The following CCDC7 variants were observed in gnomAD, a reference collection of about 807,000 sequenced individuals.
CCDC7 encodes coiled-coil domain-containing protein 7.
Under a neutral mutation model 196.9 loss-of-function variants are expected in CCDC7, and 183 were observed. The ratio of observed to expected loss-of-function variants is 0.93; its 90% confidence interval spans 0.82 to 1.05. The LOEUF (loss-of-function observed/expected upper bound fraction) is 1.05. Among genes scored for constraint, CCDC7 ranks in the 50% least tolerant of loss-of-function variants. The pLI is 0.00. For missense variants in CCDC7, 1,540 were observed against 1,482.2 expected (o/e 1.04, Z -0.64); for synonymous variants, 525 against 484.6 (o/e 1.08, Z -1.10).
At chr10:32,724,566 G>A (rs1219525419) in intron 25 of CCDC7, among the ~76,000 whole-genome samples, 1 of 152,006 alleles carries the variant, frequency 6.6e-6, no homozygotes, top group Non-Finnish European at 1.5e-5. Flanking sequence ...AAAATGGGGG[G>A]ATCATTTCAC....
chr10:32,694,659 T>G (rs531433643), intron 23 of CCDC7, among the ~76,000 whole-genome samples: 1 of 152,308 alleles, frequency 6.6e-6, no homozygotes, highest in East Asian at 1.9e-4. Context: ...TAGTGACTAA[T>G]ATATATCAGA....
intron 25 of CCDC7, among the ~76,000 whole-genome samples, chr10:32,719,828 C>CA: frequency 6.6e-6 from 1 of 152,264 alleles, no homozygotes; most frequent in African/African-American, 2.4e-5. Flanking sequence ...GATACCATCT[C>CA]ACATCAATTA....
chr10:32,474,207 A>C (rs1477195313), intron 8 of CCDC7, among the ~76,000 whole-genome samples, 184 bp downstream of exon 9: 2 of 107,028 alleles, frequency 1.9e-5, no homozygotes, highest in East Asian at 8.0e-4. Context: ...CTGAAACTAG[A>C]TTCTTTTTTT....
intron 33 of CCDC7, among the ~76,000 whole-genome samples, chr10:32,843,943 G>A (rs1234888325): frequency 6.6e-6 from 1 of 151,640 alleles, no homozygotes; most frequent in African/African-American, 2.4e-5. Flanking sequence ...TTTCACTGGT[G>A]GTATATTTGG....
intron 21 of CCDC7, among the ~76,000 whole-genome samples, chr10:32,674,461 G>T (rs929941898): frequency 4.6e-5 from 7 of 152,070 alleles, no homozygotes; most frequent in African/African-American, 1.7e-4. Flanking sequence ...TCTTGTAATG[G>T]TTTTAATTTT....
Position 32,594,173 on chromosome 10 carries a change from A to G in CCDC7, c.1801+9869A>G, listed in dbSNP as rs371988380. ...CATTTTCACGATATTGATTCTTCTT[A>G]TCCATGAGCATGGAATGTTCTTCCA... On this transcript the variant is annotated intron_variant, in intron 18 of 41. Transcript: ENST00000639629. Among the ~76,000 whole-genome samples the G allele has an allele frequency of 5.3e-5, 8 of 152,282 alleles. No individual in the cohort carries two copies. In the East Asian group the frequency reaches 1.3e-3, roughly 26 times the overall value.
At chr10:32,848,755 T>A (rs2093415674) in intron 39 of CCDC7, 37 bp downstream of exon 40, 3 of 1,381,474 alleles carry the variant, frequency 2.2e-6, no homozygotes, top group Admixed American at 3.7e-5. Flanking sequence ...ATTCAGTATC[T>A]AATTACCTAG....
At chr10:32,595,005 A>G (rs147942268) in intron 18 of CCDC7, among the ~76,000 whole-genome samples, 5,894 of 152,210 alleles carry the variant, frequency 0.039, 118 homozygotes, top group Non-Finnish European at 0.05. Flanking sequence ...TTGGTCTAAA[A>G]TTCTCTTTTT....
At chr10:32,818,877 G>A (rs1227364404) in intron 31 of CCDC7, among the ~76,000 whole-genome samples, 1 of 152,050 alleles carries the variant, frequency 6.6e-6, no homozygotes, top group African/African-American at 2.4e-5. Flanking sequence ...ATCTAAAATT[G>A]ACACCCTAAC....
In CCDC7 at chr10:32,804,995, A is replaced by C; in HGVS notation, c.3014-20A>C. ...AAGGATTACCTCGCAAAGTATTTTT[A>C]AATCCATCTATTTCTATAGAGACTG... is the stretch of plus-strand genomic sequence containing the variant. On this transcript the variant is annotated intron_variant, in intron 29 of 41. Transcript: ENST00000639629. The C allele has an allele frequency of 6.6e-7, 1 of 1,514,944 alleles. No individual in the cohort carries two copies. Among genetic ancestry groups the C allele is most frequent in the Non-Finnish European group, 9.2e-7 (1 of 1,092,182 alleles). The allele number at this position is 1,514,944 out of a possible 1,614,324, so 93.8% of individuals were successfully genotyped here.
At position 32,693,452 on chromosome 10, in the gene CCDC7, C is replaced by T. The variant is rs141339976; in HGVS notation, c.2345-1427C>T. On this transcript the variant is annotated intron_variant, in intron 23 of 41. Transcript: ENST00000639629. Reference sequence around the variant, plus strand: ...CCCCAAAGATGGCATTCAAGTTTTCCCCTTCGTAGGTATTTTTTTCCTTCA... The same window carrying T: ...CCCCAAAGATGGCATTCAAGTTTTCTCCTTCGTAGGTATTTTTTTCCTTCA... Among the ~76,000 whole-genome samples the T allele has an allele frequency of 5.9e-3, 903 of 152,028 alleles. 9 individuals carry two copies. The highest frequency in any genetic ancestry group is 0.021 in the African/African-American group (861 of 41,448).
At chr10:32,782,229 GT>G (rs55712844) in intron 29 of CCDC7, among the ~76,000 whole-genome samples, 136,548 of 150,180 alleles carry the variant, frequency 0.91, 63,173 homozygotes, top group East Asian at 1. Flanking sequence ...TTTTTTTTTT[GT>G]TTTTTTTGGT....
At chr10:32,834,561 T>G (rs55902227) in intron 32 of CCDC7, among the ~76,000 whole-genome samples, 21,902 of 152,040 alleles carry the variant, frequency 0.14, 1,931 homozygotes, top group African/African-American at 0.25. Context: ...TATAGTTAAC[T>G]GTATATCTGA....
chr10:32,685,259 G>C (rs1431465180), intron 21 of CCDC7, among the ~76,000 whole-genome samples: 4 of 148,470 alleles, frequency 2.7e-5, no homozygotes, highest in Non-Finnish European at 3.0e-5. Flanking sequence ...CTACAGGTCA[G>C]TTTATAGAGA....
intron 31 of CCDC7, among the ~76,000 whole-genome samples, chr10:32,822,000 GAAA>G (rs35583848): frequency 6.7e-6 from 1 of 149,016 alleles, no homozygotes; most frequent in Admixed American, 6.7e-5. Flanking sequence ...TAAAAGTGCT[GAAA>G]AAAAAAAATC....
chr10:32,515,056 C>T (rs1250274908), intron 9 of CCDC7, among the ~76,000 whole-genome samples: 1 of 152,118 alleles, frequency 6.6e-6, no homozygotes, highest in Non-Finnish European at 1.5e-5. Context: ...GAACTCCAGG[C>T]TTCAAGTGAT....
chr10:32,489,043 C>G (rs891593299), intron 8 of CCDC7, among the ~76,000 whole-genome samples: 6 of 152,310 alleles, frequency 3.9e-5, no homozygotes, highest in Admixed American at 2.6e-4. Context: ...CAGAATTCTT[C>G]TAATCTCTTT....
chr10:32,470,221 C>G (rs937820423), intron 5 of CCDC7, among the ~76,000 whole-genome samples: 2 of 152,120 alleles, frequency 1.3e-5, no homozygotes, highest in Non-Finnish European at 2.9e-5. Context: ...TTGCGAAGTC[C>G]TTGACTTCAT....
At chr10:32,658,611 G>A (rs963767987) in intron 20 of CCDC7, among the ~76,000 whole-genome samples, 9 of 152,150 alleles carry the variant, frequency 5.9e-5, no homozygotes, top group African/African-American at 1.9e-4. Flanking sequence ...AACCATATCA[G>A]TGTCCTTTGA....
Sources: gnomAD v4.1 joint callset for allele counts (sites outside exome capture counted in the v4.1 genomes callset) on GRCh38, gnomAD v4.1.1 for gene constraint, MANE v1.5 for transcripts, NCBI Gene and HGNC (gene_info 2026-07-23, HGNC 2026-07-21) for gene names.